ATP2B4: variants seen among roughly 807,000 people sequenced by gnomAD.
The protein encoded by ATP2B4 is ATPase plasma membrane Ca2+ transporting 4, also known as plasma membrane calcium-transporting ATPase 4.
ATP2B4 carries 39 observed loss-of-function variants against 110.3 expected under a neutral mutation model. The ratio of observed to expected loss-of-function variants is 0.35; its 90% confidence interval spans 0.27 to 0.46. The LOEUF is 0.46. Among genes scored for constraint, ATP2B4 ranks in the 20% least tolerant of loss-of-function variants. ATP2B4 has a pLI of 1.00. For synonymous variants in ATP2B4, 538 were observed against 571.7 expected (o/e 0.94, Z 0.84); for missense variants, 1,135 against 1,530.9 (o/e 0.74, Z 4.32).
At chr1:203,716,096 T>C (rs1485642522) in intron 15 of ATP2B4, among the ~76,000 whole-genome samples, 1 of 144,804 alleles carries the variant, frequency 6.9e-6, no homozygotes, top group Non-Finnish European at 1.5e-5. Flanking sequence ...GATCTCTATG[T>C]TGGGAGTCCC....
intron 1 of ATP2B4, among the ~76,000 whole-genome samples, chr1:203,639,329 A>G (rs1663557043): frequency 6.6e-6 from 1 of 152,238 alleles, no homozygotes; most frequent in South Asian, 2.1e-4. Context: ...AAGCGAGCAC[A>G]GACCATATGC....
chr1:203,703,784 C>G lies in ATP2B4; in HGVS notation c.1070C>G (p.Thr357Ser), dbSNP rs1186636769. The change falls in exon 8 of 21, where the codon ACT (threonine) becomes AGT (serine). Residue 357 changes from threonine to serine, a missense_variant. Around this residue, in one of 9 missense-constraint regions of ATP2B4, gnomAD observed 162 missense variants for 210.5 expected, o/e 0.77. Coordinates refer to ENST00000357681, the MANE Select transcript of ATP2B4 (RefSeq NM_001684.5). ...AAGTCAGTGCTGCAGGGCAAGCTGA[C>G]TCGCCTGGCTGTTCAGATTGGGAAA... is the stretch of plus-strand genomic sequence containing the variant. ...KEKSVLQGKL[T>S]RLAVQIGKAG... 1 of 1,614,066 alleles carries G rather than the reference C, an allele frequency of 6.2e-7. No homozygotes were observed. Among genetic ancestry groups the G allele is most frequent in the East Asian group, 2.2e-5 (1 of 44,870 alleles).
At chr1:203,709,594 G>A (rs1284805605) in intron 11 of ATP2B4, 52 bp downstream of exon 11, 2 of 1,609,154 alleles carry the variant, frequency 1.2e-6, no homozygotes, top group South Asian at 1.1e-5. Context: ...CCTCAGGAAG[G>A]CATGGGTGCA....
rs536384214 is a variant in ATP2B4, at chr1:203,636,137, C to A, written c.-465+8918C>A. On this transcript the variant is annotated intron_variant, in intron 1 of 20. Coordinates refer to ENST00000357681, the MANE Select transcript of ATP2B4 (RefSeq NM_001684.5). ...GTAAGAGAAGAAATTCACCAAACAG[C>A]CCAGAGATTGTTGCTGACCAAACCT... 3.9e-5 allele frequency among the ~76,000 whole-genome samples: 6 copies of A among 152,340 alleles called. No individual in the cohort carries two copies. The East Asian group carries it at 1.2e-3, about 29-fold the overall frequency.
chr1:203,712,160 A>T (rs1449977921), intron 13 of ATP2B4, 21 bp downstream of exon 13: 2 of 1,610,442 alleles, frequency 1.2e-6, no homozygotes, highest in African/African-American at 2.7e-5. Context: ...GCTAGGGGGA[A>T]CCAGGACCTC....
Position 203,634,954 on chromosome 1 carries a change from G to A in ATP2B4, c.-465+7735G>A, listed in dbSNP as rs146990639. The stretch of plus-strand genomic sequence containing the variant: ...GCGGGGATTACAGGCATGAACCACC[G>A]CACCCGGCCCCATTTATTTATTTAT... On this transcript the variant is annotated intron_variant, in intron 1 of 20. Coordinates refer to ENST00000357681, the MANE Select transcript of ATP2B4 (RefSeq NM_001684.5). 2.3e-4 allele frequency among the ~76,000 whole-genome samples: 35 copies of A among 151,796 alleles called. 1 individual carries two copies. Among genetic ancestry groups the A allele is most frequent in the Middle Eastern group, 3.4e-3 (1 of 294 alleles).
chr1:203,638,696 A>G (rs1474281105), intron 1 of ATP2B4, among the ~76,000 whole-genome samples: 1 of 151,848 alleles, frequency 6.6e-6, no homozygotes, highest in Non-Finnish European at 1.5e-5. Flanking sequence ...TGACCAGATC[A>G]ACACCAAACT....
At chr1:203,698,416 G>A in intron 3 of ATP2B4, 62 bp downstream of exon 3, 1 of 1,535,768 alleles carries the variant, frequency 6.5e-7, no homozygotes, top group Non-Finnish European at 9.0e-7. Flanking sequence ...CCACCACCAA[G>A]CGCTTAGTAT....
intron 2 of ATP2B4, among the ~76,000 whole-genome samples, chr1:203,687,900 G>A (rs1390741277): frequency 6.6e-6 from 1 of 151,996 alleles, no homozygotes; most frequent in Non-Finnish European, 1.5e-5. Context: ...TGGAGTATAA[G>A]TCAGAAGGCA....
chr1:203,702,323 T>C (rs1425679639), intron 7 of ATP2B4, among the ~76,000 whole-genome samples: 1 of 152,124 alleles, frequency 6.6e-6, no homozygotes, highest in Non-Finnish European at 1.5e-5. Flanking sequence ...AAGGTTTGTC[T>C]TGGGGAGTGT....
chr1:203,711,459 A>G (rs547812963), intron 12 of ATP2B4, among the ~76,000 whole-genome samples: 92 of 152,266 alleles, frequency 6.0e-4, no homozygotes, highest in Non-Finnish European at 4.7e-4. Flanking sequence ...TATTCTAGAC[A>G]CTAGGGGATT....
rs778017936 is a variant in ATP2B4, at chr1:203,722,512, G to A, written c.2847G>A (p.Lys949=). 86 of 1,614,016 alleles carry A rather than the reference G, an allele frequency of 5.3e-5. No homozygotes were observed. Among genetic ancestry groups the A allele is most frequent in the Non-Finnish European group, 6.8e-5 (80 of 1,179,970 alleles). ...EKFFDIDSGR[K]APLHSPPSQH... ...TCTTTGATATTGATAGTGGGAGGAA[G>A]GCACCTCTACATTCACCACCCAGCC... The change falls in exon 18 of 21, where the codon AAG becomes AAA. Residue 949 remains lysine (K), a synonymous_variant. Coordinates refer to ENST00000357681, the MANE Select transcript of ATP2B4 (RefSeq NM_001684.5).
At chr1:203,680,540 T>C (rs7546599) in intron 1 of ATP2B4, among the ~76,000 whole-genome samples, 125,046 of 149,948 alleles carry the variant, frequency 0.83, 52,952 homozygotes, top group East Asian at 1. Flanking sequence ...ACCCGGGAGG[T>C]GGAGCTTGCC....
rs932167796 is a variant in ATP2B4, at chr1:203,699,321, C to T, written c.392-139C>T. ...CTCAATCCTGCTATCCTCTGATATC[C>T]TCTTCCAGCCAACAGTTGTATTTGC... On this transcript the variant is annotated intron_variant, in intron 3 of 20. Transcript: ENST00000357681. 12 of 1,167,588 alleles carry T rather than the reference C, an allele frequency of 1.0e-5. No individual in the cohort carries two copies. In the Admixed American group the frequency reaches 1.8e-4, roughly 17 times the overall value. 72.3% of individuals were successfully genotyped at this position (1,167,588 alleles called of 1,614,324 possible).
At chr1:203,731,038 T>C (rs1298109970) in intron 20 of ATP2B4, among the ~76,000 whole-genome samples, 1 of 152,200 alleles carries the variant, frequency 6.6e-6, no homozygotes, top group African/African-American at 2.4e-5. Flanking sequence ...TTAGAAAACT[T>C]AGAGACTAGA....
intron 20 of ATP2B4, among the ~76,000 whole-genome samples, chr1:203,729,947 G>T (rs1206359204): frequency 6.6e-6 from 1 of 152,090 alleles, no homozygotes; most frequent in Non-Finnish European, 1.5e-5. Flanking sequence ...CATCCACTTG[G>T]CTTCCTTTGG....
At chr1:203,659,819 C>A (rs565651376) in intron 1 of ATP2B4, among the ~76,000 whole-genome samples, 18 of 152,142 alleles carry the variant, frequency 1.2e-4, no homozygotes, top group African/African-American at 4.1e-4. Context: ...TGTGGTGGCT[C>A]ACGCCTGTAA....
At chr1:203,691,999 A>G (rs1665391937) in intron 2 of ATP2B4, among the ~76,000 whole-genome samples, 1 of 151,626 alleles carries the variant, frequency 6.6e-6, no homozygotes, top group South Asian at 2.1e-4. Context: ...CTCCTGCCTC[A>G]GCCTCCCGAG....
At chr1:203,681,160 G>C (rs1010310556) in intron 1 of ATP2B4, among the ~76,000 whole-genome samples, 5 of 152,316 alleles carry the variant, frequency 3.3e-5, no homozygotes, top group Non-Finnish European at 4.4e-5. Context: ...ATAGAGCCCT[G>C]CTTTCTTAAC....
Sources: allele counts gnomAD v4.1 joint callset (sites outside exome capture counted in the v4.1 genomes callset), GRCh38; gene constraint gnomAD v4.1.1; regional missense constraint gnomAD v4.1.1; transcripts MANE v1.5; gene names NCBI Gene and HGNC (gene_info 2026-07-23, HGNC 2026-07-21).